The following SERTM2 variants were observed in gnomAD, a reference collection of about 807,000 sequenced individuals.
SERTM2 encodes serine-rich and transmembrane domain-containing protein 2.
chrX:111,520,059 A>T lies in SERTM2; in HGVS notation c.*929A>T, dbSNP rs1042345876. 5 of 111,145 alleles carry T rather than the reference A, an allele frequency of 4.5e-5. No individual in the cohort carries two copies. The highest frequency in any genetic ancestry group is 9.4e-5 in the Non-Finnish European group (5 of 52,931). The allele number at this position is 111,145 out of a possible 1,213,427, so 9.2% of individuals were successfully genotyped here. A position where few individuals can be genotyped will look rare whatever the true frequency, so the allele number is the denominator to read the frequency against. On this transcript the variant is annotated 3_prime_UTR_variant, in exon 3 of 3. Coordinates refer to ENST00000569275, the MANE Select transcript of SERTM2 (RefSeq NM_001354473.2). Reference sequence around the variant, plus strand: ...CACTATACTCTTTAGATCTGAGCATAAAAAAAAGAGAGAGAGACAAAGGAG... The same window carrying T: ...CACTATACTCTTTAGATCTGAGCATTAAAAAAAGAGAGAGAGACAAAGGAG...
chrX:111,512,316 T>C (rs1450868399), intron 2 of SERTM2, among the ~76,000 whole-genome samples: 1 of 112,023 alleles, frequency 8.9e-6, no homozygotes, highest in East Asian at 2.8e-4. Context: ...CTTCTCTCTC[T>C]CAGTTTTTTC....
Position 111,521,784 on chromosome X carries a change from C to T in SERTM2, c.*2654C>T, listed in dbSNP as rs939723648. On this transcript the variant is annotated 3_prime_UTR_variant, in exon 3 of 3. Coordinates refer to ENST00000569275, the MANE Select transcript of SERTM2 (RefSeq NM_001354473.2). Reference sequence around the variant, plus strand: ...AATTCTTCACTTTTTATTAGCTGAACCATATGAAATTGCCATTTGATAGGC... The same window carrying T: ...AATTCTTCACTTTTTATTAGCTGAATCATATGAAATTGCCATTTGATAGGC... The T allele has an allele frequency of 9.3e-6, 1 of 107,984 alleles. No individual in the cohort carries two copies. The highest frequency in any genetic ancestry group is 3.4e-5 in the African/African-American group (1 of 29,522). 8.9% of individuals were successfully genotyped at this position (107,984 alleles called of 1,213,427 possible).
At chrX:111,517,197 TGA>T (rs943120773) in intron 2 of SERTM2, among the ~76,000 whole-genome samples, 3 of 111,181 alleles carry the variant, frequency 2.7e-5, no homozygotes, top group Non-Finnish European at 5.7e-5. Context: ...CAGATCTAAA[TGA>T]GAGAGATAGA....
At chrX:111,516,896 G>C (rs138169847) in intron 2 of SERTM2, among the ~76,000 whole-genome samples, 1,675 of 111,538 alleles carry the variant, frequency 0.015, 32 homozygotes, top group African/African-American at 0.051. Flanking sequence ...TACATTGTTA[G>C]CAATCTACTA....
intron 2 of SERTM2, among the ~76,000 whole-genome samples, chrX:111,516,687 C>T (rs1370800579): frequency 9.0e-6 from 1 of 110,651 alleles, no homozygotes; most frequent in East Asian, 2.8e-4. Context: ...TCTGTATGGG[C>T]AATAGGAACA....
intron 2 of SERTM2, among the ~76,000 whole-genome samples, chrX:111,514,888 G>GGTGTGT (rs371173694): frequency 9.4e-6 from 1 of 106,664 alleles, no homozygotes; most frequent in Non-Finnish European, 2.0e-5. Context: ...TAGGCATAGG[G>GGTGTGT]GTGTGTGTGT....
At chrX:111,517,115 C>T (rs753664805) in intron 2 of SERTM2, among the ~76,000 whole-genome samples, 36 of 111,352 alleles carry the variant, frequency 3.2e-4, no homozygotes, top group African/African-American at 1.1e-3. Flanking sequence ...CATTTATTTG[C>T]TCAGAATAGG....
rs1930420118 is a variant in SERTM2, at chrX:111,521,981, G to A, written c.*2851G>A. 2 of 111,442 alleles carry A rather than the reference G, an allele frequency of 1.8e-5. No homozygotes were observed. Among genetic ancestry groups the A allele is most frequent in the South Asian group, 3.8e-4 (1 of 2,644 alleles). The allele number at this position is 111,442 out of a possible 1,213,427, so 9.2% of individuals were successfully genotyped here. A position where few individuals can be genotyped will look rare whatever the true frequency, so the allele number is the denominator to read the frequency against. On this transcript the variant is annotated 3_prime_UTR_variant, in exon 3 of 3. Transcript: ENST00000569275. ...TGGGTTGTACAAAATGAAGTATATT[G>A]TAAAAGGCTTATGTATTATGTATTA... is the stretch of plus-strand genomic sequence containing the variant.
At chrX:111,515,462 C>A (rs1930293687) in intron 2 of SERTM2, among the ~76,000 whole-genome samples, 1 of 111,155 alleles carries the variant, frequency 9.0e-6, no homozygotes, top group South Asian at 3.8e-4. Context: ...CATAGTGAAG[C>A]AATTGAGCTG....
chrX:111,516,988 G>C (rs941270763), intron 2 of SERTM2, among the ~76,000 whole-genome samples: 1 of 111,379 alleles, frequency 9.0e-6, no homozygotes, highest in Non-Finnish European at 1.9e-5. Flanking sequence ...GTTTAGAATG[G>C]CAAGTTAAAT....
chrX:111,517,925 A>G (rs1461674486), intron 2 of SERTM2, 150 bp from the exon 3 acceptor site: 3 of 111,881 alleles, frequency 2.7e-5, no homozygotes, highest in Admixed American at 9.5e-5. Context: ...TTTAAAAGCT[A>G]TTTTCTACAG....
intron 2 of SERTM2, among the ~76,000 whole-genome samples, chrX:111,515,009 T>G (rs1476497447): frequency 3.6e-5 from 4 of 110,302 alleles, no homozygotes; most frequent in Non-Finnish European, 1.9e-5. Context: ...GGAGCATAGG[T>G]AGATGTCGTG....
At chrX:111,515,660 C>G (rs1930296643) in intron 2 of SERTM2, among the ~76,000 whole-genome samples, 2 of 111,342 alleles carry the variant, frequency 1.8e-5, no homozygotes, top group Admixed American at 1.9e-4. Flanking sequence ...TATATATTTT[C>G]AAAAACATAC....
intron 2 of SERTM2, among the ~76,000 whole-genome samples, chrX:111,517,343 C>G (rs1226318721): frequency 8.9e-6 from 1 of 111,757 alleles, no homozygotes; most frequent in Non-Finnish European, 1.9e-5. Context: ...CAGTGCTAGG[C>G]TTTCTGGTTC....
intron 2 of SERTM2, among the ~76,000 whole-genome samples, chrX:111,517,650 A>G (rs772568824): frequency 5.6e-5 from 6 of 106,640 alleles, no homozygotes; most frequent in African/African-American, 2.2e-4. Context: ...CATTCTAAAC[A>G]TGAACTTTGA....
rs752180993 is a variant in SERTM2 at position 111,512,314 on chromosome X, T to C, written c.-784+220T>C. Among the ~76,000 whole-genome samples the C allele has an allele frequency of 2.7e-5, 3 of 112,050 alleles. No homozygotes were observed. The South Asian group carries it at 1.1e-3, about 42-fold the overall frequency. ...ATGTGGAACTAGACACACTTCTCTC[T>C]CTCAGTTTTTTCTCCTCAGCTAGGA... On this transcript the variant is annotated intron_variant, in intron 2 of 2. Transcript: ENST00000569275.
intron 2 of SERTM2, among the ~76,000 whole-genome samples, chrX:111,513,148 C>T (rs1420673860): frequency 9.2e-6 from 1 of 108,337 alleles, no homozygotes; most frequent in Non-Finnish European, 1.9e-5. Context: ...CCTTCCCTTC[C>T]TTCTCCCCCT....
intron 2 of SERTM2, among the ~76,000 whole-genome samples, chrX:111,512,396 T>C (rs1795464403): frequency 8.9e-6 from 1 of 112,266 alleles, no homozygotes; most frequent in Non-Finnish European, 1.9e-5. Flanking sequence ...TTGATAGTTT[T>C]GAATTTCTTT....
chrX:111,516,632 A>C (rs141238791), intron 2 of SERTM2, among the ~76,000 whole-genome samples: 1,110 of 107,662 alleles, frequency 0.01, 4 homozygotes, highest in Middle Eastern at 0.03. Context: ...GATATTATAT[A>C]TCTCTCTCTC....
Sources: gnomAD v4.1 joint callset for allele counts (sites outside exome capture counted in the v4.1 genomes callset) on GRCh38, gnomAD v4.1.1 for gene constraint, MANE v1.5 for transcripts, NCBI Gene and HGNC (gene_info 2026-07-23, HGNC 2026-07-21) for gene names.